Variants in SLC4A10 observed in about 807,000 individuals in gnomAD.
SLC4A10 encodes solute carrier family 4 member 10.
SLC4A10 carries 42 observed loss-of-function variants against 137.7 expected under a neutral mutation model. The ratio of observed to expected loss-of-function variants is 0.30; its 90% CI spans 0.24 to 0.39. The LOEUF is 0.39. SLC4A10 is among the 10% of genes least tolerant of loss of function. The pLI, the probability that SLC4A10 is intolerant of heterozygous loss-of-function variation, is 1.00. For missense variants in SLC4A10, 925 were observed against 1,355.0 expected, an observed-to-expected ratio of 0.68 and a Z score of 4.98; for synonymous variants, 474 against 464.1, an observed-to-expected ratio of 1.02 and a Z score of -0.27.
intron 3 of SLC4A10, among the ~76,000 whole-genome samples, chr2:161,823,090 T>C (rs1025467739): frequency 1.6e-4 from 25 of 152,162 alleles, no homozygotes; most frequent in Non-Finnish European, 2.9e-4. Context: ...AAGTATGTCA[T>C]GAATGCATAA....
At chr2:161,751,920 C>A (rs950117190) in intron 1 of SLC4A10, among the ~76,000 whole-genome samples, 14 of 151,900 alleles carry the variant, frequency 9.2e-5, no homozygotes, top group African/African-American at 3.4e-4. Context: ...TTTATACAAT[C>A]CTAACCTCCC....
At chr2:161,718,093 T>C (rs1299480114) in intron 1 of SLC4A10, among the ~76,000 whole-genome samples, 2 of 152,240 alleles carry the variant, frequency 1.3e-5, no homozygotes, top group Non-Finnish European at 1.5e-5. Flanking sequence ...TTTGTTTGCA[T>C]AGAGGTGTTT....
At chr2:161,746,559 G>A (rs1190784196) in intron 1 of SLC4A10, among the ~76,000 whole-genome samples, 2 of 151,818 alleles carry the variant, frequency 1.3e-5, no homozygotes, top group Middle Eastern at 3.4e-3. Context: ...GACTTTAGGA[G>A]TCAGCTTCGT....
intron 8 of SLC4A10, among the ~76,000 whole-genome samples, chr2:161,877,864 T>C (rs2061528949): frequency 6.6e-6 from 1 of 152,052 alleles, no homozygotes; most frequent in Admixed American, 6.6e-5. Context: ...GATGGAGTAC[T>C]GTAGGATATT....
intron 1 of SLC4A10, among the ~76,000 whole-genome samples, chr2:161,758,004 A>G (rs572225574): frequency 1.3e-5 from 2 of 151,818 alleles, no homozygotes; most frequent in African/African-American, 2.4e-5. Flanking sequence ...CCCATTTTCT[A>G]TTCCCTCATG....
chr2:161,689,200 A>ATT (rs2041736969), intron 1 of SLC4A10, among the ~76,000 whole-genome samples: 1 of 152,110 alleles, frequency 6.6e-6, no homozygotes, highest in Admixed American at 6.6e-5. Context: ...AAATAAATTT[A>ATT]TTGTAGCCTA....
intron 25 of SLC4A10, 43 bp downstream of exon 25, chr2:161,976,919 G>A: frequency 9.6e-7 from 1 of 1,042,588 alleles, no homozygotes; most frequent in Non-Finnish European, 1.4e-6. Flanking sequence ...AATTCCAATT[G>A]TTTTTTGACA....
At chr2:161,882,493 A>AATGGGGG in intron 10 of SLC4A10, 49 bp downstream of exon 10, 1 of 1,295,080 alleles carries the variant, frequency 7.7e-7, no homozygotes, top group Non-Finnish European at 1.1e-6. Flanking sequence ...AGGTATACCT[A>AATGGGGG]AAACTTTTGG....
Position 161,879,180 on chromosome 2 carries a change from A to G in SLC4A10, c.998A>G (p.Asn333Ser). Reference protein sequence around the residue: ...KKIPPGAEASNILVGELEFLD... With the variant: ...KKIPPGAEASSILVGELEFLD... Reference sequence around the variant, plus strand: ...ATTCCTCCAGGTGCTGAAGCATCGAACATCTTAGTGGGAGAACTGGAGTTC... The same window carrying G: ...ATTCCTCCAGGTGCTGAAGCATCGAGCATCTTAGTGGGAGAACTGGAGTTC... The change falls in exon 9 of 27, where the codon AAC becomes AGC. Residue 333 changes from asparagine (N) to serine (S), a missense_variant. Transcript: ENST00000446997. The G allele has an allele frequency of 1.2e-6, 2 of 1,613,572 alleles. No individual in the cohort carries two copies. The highest frequency in any genetic ancestry group is 1.3e-5 in the African/African-American group (1 of 75,038).
In SLC4A10 at chr2:161,962,867, A is replaced by T. The variant is rs574072479; in HGVS notation, c.2863-1268A>T. 2.0e-5 allele frequency among the ~76,000 whole-genome samples: 3 copies of T among 152,276 alleles called. No homozygotes were observed. In the East Asian group the frequency reaches 5.8e-4, roughly 29 times the overall value. On this transcript the variant is annotated intron_variant, in intron 21 of 26. Transcript: ENST00000446997. ...GTTTTGACTCTAACATTTTGACTCA[A>T]TGGACAACTGTTCCTTTGCATATTA...
At chr2:161,712,200 T>A (rs1379737594) in intron 1 of SLC4A10, among the ~76,000 whole-genome samples, 1 of 151,924 alleles carries the variant, frequency 6.6e-6, no homozygotes, top group Non-Finnish European at 1.5e-5. Flanking sequence ...TGAAAGATTT[T>A]GTGTTTAAAC....
chr2:161,915,848 C>A (rs908567059), intron 15 of SLC4A10, among the ~76,000 whole-genome samples: 1 of 152,144 alleles, frequency 6.6e-6, no homozygotes, highest in Non-Finnish European at 1.5e-5. Context: ...GGGTCCTAAT[C>A]TAATCTTTTT....
chr2:161,626,148 G>A (rs1288016760), intron 1 of SLC4A10, among the ~76,000 whole-genome samples: 1 of 152,054 alleles, frequency 6.6e-6, no homozygotes, highest in Non-Finnish European at 1.5e-5. Flanking sequence ...ATTAGGGAAG[G>A]TTTAGGGAAA....
intron 26 of SLC4A10, among the ~76,000 whole-genome samples, chr2:161,981,221 G>A (rs182166155): frequency 2.0e-5 from 3 of 152,218 alleles, no homozygotes; most frequent in Admixed American, 6.5e-5. Context: ...TTATCAAAAG[G>A]TTATGGAACA....
intron 1 of SLC4A10, among the ~76,000 whole-genome samples, chr2:161,646,199 G>T (rs371660579): frequency 2.0e-5 from 3 of 152,026 alleles, no homozygotes; most frequent in Admixed American, 6.6e-5. Context: ...CATAGGGTCA[G>T]ATTCAGAATC....
At chr2:161,696,241 C>T (rs1482050494) in intron 1 of SLC4A10, among the ~76,000 whole-genome samples, 2 of 152,010 alleles carry the variant, frequency 1.3e-5, no homozygotes, top group African/African-American at 4.8e-5. Flanking sequence ...AGGACAAGAA[C>T]TCATCCTTTT....
chr2:161,755,836 T>C (rs573848265), intron 1 of SLC4A10, among the ~76,000 whole-genome samples: 1 of 151,320 alleles, frequency 6.6e-6, no homozygotes, highest in South Asian at 2.1e-4. Context: ...AATGGCGCAA[T>C]CTCGGCTCAC....
At chr2:161,681,591 C>G (rs2040856932) in intron 1 of SLC4A10, among the ~76,000 whole-genome samples, 1 of 152,110 alleles carries the variant, frequency 6.6e-6, no homozygotes, top group African/African-American at 2.4e-5. Flanking sequence ...GAACAAGTTC[C>G]TCCGCTTTAT....
At chr2:161,911,944 C>G (rs1443739779) in intron 15 of SLC4A10, among the ~76,000 whole-genome samples, 2 of 152,054 alleles carry the variant, frequency 1.3e-5, no homozygotes, top group Non-Finnish European at 2.9e-5. Context: ...GATTCTTGAT[C>G]CAAACACTTG....
Sources: allele counts gnomAD v4.1 joint callset (sites outside exome capture counted in the v4.1 genomes callset), GRCh38; gene constraint gnomAD v4.1.1; transcripts MANE v1.5; gene names NCBI Gene and HGNC (gene_info 2026-07-23, HGNC 2026-07-21).